Variants in SPPL2A observed in about 807,000 individuals in gnomAD.
SPPL2A encodes the protein signal peptide peptidase like 2A.
A neutral mutation model predicts 63.8 loss-of-function variants in SPPL2A; 51 were observed. The ratio of observed to expected loss-of-function variants is 0.80; its 90% CI spans 0.64 to 1.01. The LOEUF (loss-of-function observed/expected upper bound fraction) is 1.01, where lower values mean the gene tolerates loss of function less well. Ranked by LOEUF, SPPL2A falls within the 50% of genes least tolerant of loss-of-function variation. SPPL2A has a pLI of 0.00. For missense variants in SPPL2A, 553 were observed against 622.7 expected (o/e 0.89, Z 1.19); for synonymous variants, 188 against 205.8 (o/e 0.91, Z 0.74).
chr15:50,748,337 C>CT (rs1179460023), intron 3 of SPPL2A, 135 bp from the exon 4 acceptor site: 1 of 436,730 alleles, frequency 2.3e-6, no homozygotes, highest in Non-Finnish European at 4.0e-6. Context: ...TCTTAACACT[C>CT]TAAGTTCTCA....
intron 6 of SPPL2A, among the ~76,000 whole-genome samples, chr15:50,739,286 C>T (rs189322364): frequency 6.7e-6 from 1 of 149,068 alleles, no homozygotes; most frequent in Admixed American, 6.8e-5. Flanking sequence ...TCGAGCGATT[C>T]TCCTGACTCA....
rs71127136 is a variant in SPPL2A at position 50,739,170 on chromosome 15, CTTTTTTTTTT to C, written c.733+500_733+509del. 5.6e-5 allele frequency among the ~76,000 whole-genome samples: 6 copies of C among 106,946 alleles called. No individual in the cohort carries two copies. In the South Asian group the frequency reaches 1.6e-3, roughly 29 times the overall value. 70.2% of individuals were successfully genotyped at this position (106,946 alleles called of 152,430 possible). Reference sequence around the variant, plus strand: ...TGTTCTTATCTGAAAACATAACGTACTTTTTTTTTTTTTTTTTTTTTTTTTAAGACGGAGT... The same window carrying C: ...TGTTCTTATCTGAAAACATAACGTACTTTTTTTTTTTTTTTAAGACGGAGT... On this transcript the variant is annotated intron_variant, in intron 6 of 14. Coordinates refer to ENST00000261854, the MANE Select transcript of SPPL2A (RefSeq NM_032802.4).
At chr15:50,763,140 A>C (rs2063026911) in intron 1 of SPPL2A, among the ~76,000 whole-genome samples, 1 of 152,090 alleles carries the variant, frequency 6.6e-6, no homozygotes, top group Non-Finnish European at 1.5e-5. Flanking sequence ...AGAGCTGTAA[A>C]ATTAGGGAAG....
chr15:50,745,858 C>T (rs890299822), intron 5 of SPPL2A, among the ~76,000 whole-genome samples: 2 of 150,706 alleles, frequency 1.3e-5, no homozygotes, highest in Non-Finnish European at 3.0e-5. Context: ...CAAGACCAGT[C>T]TGGCCAACAT....
chr15:50,749,007 T>A (rs897512035), intron 2 of SPPL2A, 137 bp from the exon 3 acceptor site: 3 of 495,198 alleles, frequency 6.1e-6, no homozygotes, highest in Non-Finnish European at 1.0e-5. Flanking sequence ...AGGCTTAGAA[T>A]TAAGTATTTT....
intron 14 of SPPL2A, 80 bp downstream of exon 14, chr15:50,719,860 A>G: frequency 1.0e-6 from 1 of 999,716 alleles, no homozygotes; most frequent in South Asian, 1.6e-5. Flanking sequence ...AAGCTTTGCT[A>G]CATATAGGCT....
intron 11 of SPPL2A, chr15:50,725,900 T>G (rs1871210496): frequency 6.2e-6 from 2 of 324,620 alleles, no homozygotes; most frequent in Admixed American, 4.0e-5. Context: ...ATCCCCACAT[T>G]TAACCTTTTT....
chr15:50,729,912 G>C (rs561050625), intron 10 of SPPL2A, among the ~76,000 whole-genome samples: 29 of 151,716 alleles, frequency 1.9e-4, no homozygotes, highest in Admixed American at 1.8e-3. Context: ...AACGTGGGAG[G>C]ACTCCTGGGC....
At chr15:50,716,326 C>G (rs1335345542) in intron 14 of SPPL2A, among the ~76,000 whole-genome samples, 2 of 152,122 alleles carry the variant, frequency 1.3e-5, no homozygotes, top group Non-Finnish European at 1.5e-5. Flanking sequence ...TCCCAAGTAG[C>G]TGGGATTACA....
At chr15:50,726,512 A>G (rs1300231346) in intron 10 of SPPL2A, 135 bp from the exon 11 acceptor site, 30 of 780,684 alleles carry the variant, frequency 3.8e-5, no homozygotes, top group Non-Finnish European at 3.1e-5. Flanking sequence ...CTTTTTTCCT[A>G]AAGTCTTTGT....
At chr15:50,720,329 T>TCA (rs2062635103) in intron 13 of SPPL2A, among the ~76,000 whole-genome samples, 1 of 152,162 alleles carries the variant, frequency 6.6e-6, no homozygotes, top group African/African-American at 2.4e-5. Flanking sequence ...TAACCATGTA[T>TCA]CATTGATAAG....
At chr15:50,748,081 A>G in intron 4 of SPPL2A, 32 bp downstream of exon 4, 2 of 862,812 alleles carry the variant, frequency 2.3e-6, no homozygotes, top group Non-Finnish European at 3.4e-6. Context: ...CAGTATTTAT[A>G]AACTTTATCT....
At chr15:50,756,816 G>A (rs2062961196) in intron 1 of SPPL2A, among the ~76,000 whole-genome samples, 1 of 152,032 alleles carries the variant, frequency 6.6e-6, no homozygotes, top group Non-Finnish European at 1.5e-5. Flanking sequence ...ATGACCAAAA[G>A]GATGAGGTCA....
chr15:50,750,232 T>C (rs1371018640), intron 1 of SPPL2A, among the ~76,000 whole-genome samples: 1 of 152,160 alleles, frequency 6.6e-6, no homozygotes, highest in Non-Finnish European at 1.5e-5. Flanking sequence ...GCCTCCCAAG[T>C]AGTTGGTACT....
At position 50,734,856 on chromosome 15, in the gene SPPL2A, T is replaced by G. The variant is rs142012556; in HGVS notation, c.932+1245A>C. 4.4e-3 allele frequency among the ~76,000 whole-genome samples: 664 copies of G among 152,350 alleles called. 6 individuals are homozygous for G. Among genetic ancestry groups the G allele is most frequent in the African/African-American group, 0.015 (635 of 41,586 alleles). On this transcript the variant is annotated intron_variant, in intron 8 of 14. Transcript: ENST00000261854. ...AAAACTTTTTAAAAAGTATAGACTGTGCTCCTTTTTGTACTTTATATATCA... is the reference window on the plus strand; with the variant it reads ...AAAACTTTTTAAAAAGTATAGACTGGGCTCCTTTTTGTACTTTATATATCA...
At position 50,750,697 on chromosome 15, in the gene SPPL2A, G is replaced by A. The variant is rs1267009538; in HGVS notation, c.67-951C>T. Among the ~76,000 whole-genome samples, 3 of 152,328 alleles carry A rather than the reference G, an allele frequency of 2.0e-5. No individual in the cohort carries two copies. The East Asian group carries it at 5.8e-4, about 29-fold the overall frequency. ...AAAGAATAACTATTGTACCTGGGGG[G>A]AGAGGAGAGTATAAAATGAAGAAAT... On this transcript the variant is annotated intron_variant, in intron 1 of 14. Coordinates refer to ENST00000261854, the MANE Select transcript of SPPL2A (RefSeq NM_032802.4).
chr15:50,714,926 G>A lies in SPPL2A; in HGVS notation c.1488+5014C>T, dbSNP rs376064915. On this transcript the variant is annotated intron_variant, in intron 14 of 14. Coordinates refer to ENST00000261854, the MANE Select transcript of SPPL2A (RefSeq NM_032802.4). ...CCACTGTACTCCAGCCTGGGTGATA[G>A]AGCAAATTCCGCCACCCCTCCCCGC... 3.3e-5 allele frequency among the ~76,000 whole-genome samples: 5 copies of A among 152,158 alleles called. 1 individual carries two copies.
intron 12 of SPPL2A, among the ~76,000 whole-genome samples, chr15:50,722,546 T>G (rs1291495154): frequency 6.6e-6 from 1 of 152,094 alleles, no homozygotes; most frequent in Non-Finnish European, 1.5e-5. Flanking sequence ...AACCTCTGCC[T>G]CCCGGGTTCA....
Position 50,703,816 on chromosome 15 carries a change from C to T in SPPL2A, c.*3984G>A, listed in dbSNP as rs2062492945. Reference sequence around the variant, plus strand: ...TGCACTCCATAAATATATACACCTACATGTACCCACAATTTTTAAAAATGT... The same window carrying T: ...TGCACTCCATAAATATATACACCTATATGTACCCACAATTTTTAAAAATGT... On this transcript the variant is annotated 3_prime_UTR_variant, in exon 15 of 15. Coordinates refer to ENST00000261854, the MANE Select transcript of SPPL2A (RefSeq NM_032802.4). 2 of 152,032 alleles carry T rather than the reference C, an allele frequency of 1.3e-5. No homozygotes were observed. The highest frequency in any genetic ancestry group is 2.9e-5 in the Non-Finnish European group (2 of 68,022). 9.4% of individuals were successfully genotyped at this position (152,032 alleles called of 1,614,324 possible). A position where few individuals can be genotyped will look rare whatever the true frequency, so the allele number is the denominator to read the frequency against.
Sources: allele counts gnomAD v4.1 joint callset (sites outside exome capture counted in the v4.1 genomes callset), GRCh38; gene constraint gnomAD v4.1.1; transcripts MANE v1.5; gene names NCBI Gene and HGNC (gene_info 2026-07-23, HGNC 2026-07-21).